CUL9: variants seen among roughly 807,000 people sequenced by gnomAD.
CUL9 encodes cullin 9.
A neutral mutation model predicts 272.6 loss-of-function variants in CUL9; 79 were observed. That is an observed-to-expected ratio of 0.29 (90% CI 0.24 to 0.35). CUL9 has a LOEUF of 0.35. Ranked by LOEUF, CUL9 falls within the 10% of genes least tolerant of loss-of-function variation. The pLI, the probability that CUL9 is intolerant of heterozygous loss-of-function variation, is 1.00. For synonymous variants in CUL9, 1,186 were observed against 1,286.5 expected, an observed-to-expected ratio of 0.92 and a Z score of 1.67; for missense variants, 2,532 against 3,255.6, an observed-to-expected ratio of 0.78 and a Z score of 5.41.
At chr6:43,208,236 C>G (rs765977475) in intron 26 of CUL9, among the ~76,000 whole-genome samples, 4 of 152,192 alleles carry the variant, frequency 2.6e-5, no homozygotes, top group Middle Eastern at 3.2e-3. Context: ...GAGTCTCACT[C>G]TGTCACCCAG....
Position 43,206,601 on chromosome 6 carries a change from T to G in CUL9, c.5212+91T>G, listed in dbSNP as rs1775064813. 2 of 1,202,886 alleles carry G rather than the reference T, an allele frequency of 1.7e-6. No homozygotes were observed. The highest frequency in any genetic ancestry group is 2.8e-5 in the South Asian group (2 of 70,646). 74.5% of individuals were successfully genotyped at this position (1,202,886 alleles called of 1,614,324 possible). Reference sequence around the variant, plus strand: ...AGAGGACCTTTGGACAGGATATAGATGTGAAGAAAAATATCAGCTCCTAGC... The same window carrying G: ...AGAGGACCTTTGGACAGGATATAGAGGTGAAGAAAAATATCAGCTCCTAGC... On this transcript the variant is annotated intron_variant, in intron 26 of 40. Transcript: ENST00000252050. This position sits in a 1 kb window ranked among gnomAD's most constrained non-coding sequence, Gnocchi z 4.8.
intron 7 of CUL9, 169 bp from the exon 8 acceptor site, chr6:43,188,354 C>G: frequency 1.2e-6 from 1 of 813,384 alleles, no homozygotes; most frequent in Non-Finnish European, 1.9e-6. Context: ...GTGTCTTCAT[C>G]TCCTTTGTTT....
At chr6:43,202,668 A>G (rs376127360) in intron 16 of CUL9, 48 bp from the exon 17 acceptor site, 1 of 1,538,298 alleles carries the variant, frequency 6.5e-7, no homozygotes, top group Non-Finnish European at 9.0e-7. Context: ...GATGTGAGCC[A>G]CCACGTCCAG....
rs1776131470 is a variant in CUL9 at position 43,218,949 on chromosome 6, G to A, written c.6283-1510G>A. ...GAAGCAGACCCAGGGAACCAAGCCT[G>A]TAAAGATACAGAGACGGGGGGTCTC... On this transcript the variant is annotated intron_variant, in intron 31 of 40. Transcript: ENST00000252050. This position sits in a 1 kb window ranked among gnomAD's most constrained non-coding sequence, Gnocchi z 4.4. Among the ~76,000 whole-genome samples the A allele has an allele frequency of 6.6e-6, 1 of 152,116 alleles. No individual in the cohort carries two copies. Among genetic ancestry groups the A allele is most frequent in the South Asian group, 2.1e-4 (1 of 4,830 alleles).
chr6:43,184,455 G>A lies in CUL9; in HGVS notation c.145G>A (p.Glu49Lys). 1 of 1,613,890 alleles carries A rather than the reference G, an allele frequency of 6.2e-7. No homozygotes were observed. Among genetic ancestry groups the A allele is most frequent in the Non-Finnish European group, 8.5e-7 (1 of 1,179,886 alleles). Residue 49 changes from glutamate to lysine, a missense_variant, in exon 2 of 41, where the codon GAA becomes AAA. Transcript: ENST00000252050. The surrounding 1 kb of genome is among the most constrained non-coding windows in gnomAD (Gnocchi z 4.8). ...CCGATGGAGTGTCCTGAAGTGTGGG[G>A]AAGTGGGCAAAGTGGGTGTGGAAGA... ...LIRWSVLKCGEVGKVGVEEGK... is the reference protein window; with the variant it reads ...LIRWSVLKCGKVGKVGVEEGK...
chr6:43,203,340 A>G lies in CUL9; in HGVS notation c.3850-77A>G. 6.2e-7 allele frequency: 1 copy of G among 1,602,020 alleles called. No homozygotes were observed. The highest frequency in any genetic ancestry group is 8.5e-7 in the Non-Finnish European group (1 of 1,171,560). On this transcript the variant is annotated intron_variant, in intron 18 of 40. Coordinates refer to ENST00000252050, the MANE Select transcript of CUL9 (RefSeq NM_015089.4). The surrounding 1 kb of genome is among the most constrained non-coding windows in gnomAD (Gnocchi z 5.0). Reference sequence around the variant, plus strand: ...TGTCCTGAGCAGTTCTAGGGAGCTCAGGGCAGGAGGCTTGGCTTTGGTAGT... The same window carrying G: ...TGTCCTGAGCAGTTCTAGGGAGCTCGGGGCAGGAGGCTTGGCTTTGGTAGT...
chr6:43,182,974 A>G (rs1772551988), intron 1 of CUL9, among the ~76,000 whole-genome samples: 1 of 152,204 alleles, frequency 6.6e-6, no homozygotes, highest in Admixed American at 6.5e-5. Flanking sequence ...TGTTTACTGA[A>G]CACTCTTTAT....
chr6:43,221,377 G>A lies in CUL9; in HGVS notation c.6752+56G>A, dbSNP rs547957459. 7.3e-6 allele frequency: 8 copies of A among 1,089,602 alleles called. No homozygotes were observed. The highest frequency in any genetic ancestry group is 1.3e-5 in the South Asian group (1 of 76,452). The allele number at this position is 1,089,602 out of a possible 1,614,324, so 67.5% of individuals were successfully genotyped here. A position where few individuals can be genotyped will look rare whatever the true frequency, so the allele number is the denominator to read the frequency against. ...GGGCAAGGAGGGGGGAGGAGGCCTG[G>A]CAGAAGGAGGGGGGAACGGGCTTAG... On this transcript the variant is annotated intron_variant, in intron 34 of 40. Transcript: ENST00000252050. The surrounding 1 kb of genome is among the most constrained non-coding windows in gnomAD (Gnocchi z 4.2).
intron 9 of CUL9, among the ~76,000 whole-genome samples, chr6:43,194,684 A>G (rs1773843053): frequency 6.6e-6 from 1 of 152,132 alleles, no homozygotes; most frequent in Non-Finnish European, 1.5e-5. Flanking sequence ...CATCATGCTC[A>G]AAGAATTCCC....
At chr6:43,207,995 A>G (rs2150597310) in intron 26 of CUL9, among the ~76,000 whole-genome samples, 1 of 152,352 alleles carries the variant, frequency 6.6e-6, no homozygotes, top group Admixed American at 6.5e-5. Context: ...ACCGCTAATC[A>G]TACTGGTTTA....
In CUL9 at chr6:43,184,727, G is replaced by A. The variant is rs995365309; in HGVS notation, c.417G>A (p.Thr139=). 6.2e-6 allele frequency: 10 copies of A among 1,614,030 alleles called. No homozygotes were observed. The highest frequency in any genetic ancestry group is 5.0e-5 in the Admixed American group (3 of 60,008). Residue 139 remains threonine, a synonymous_variant, in exon 2 of 41, where the codon ACG becomes ACA. Coordinates refer to ENST00000252050, the MANE Select transcript of CUL9 (RefSeq NM_015089.4). This position sits in a 1 kb window ranked among gnomAD's most constrained non-coding sequence, Gnocchi z 4.8. ...CAGAAAGTGGGACCCCAAGCCTCAC[G>A]GCCGCTGTGCTTCACACCATCCACG... is the stretch of plus-strand genomic sequence containing the variant. ...QLAESGTPSL[T]AAVLHTIHVL... is the part of the protein sequence containing the mutation.
intron 26 of CUL9, among the ~76,000 whole-genome samples, chr6:43,208,352 T>C (rs957241298): frequency 6.6e-6 from 1 of 152,170 alleles, no homozygotes; most frequent in African/African-American, 2.4e-5. Context: ...ATTACAGGTG[T>C]GCACCACTAT....
rs775928059 is a variant in CUL9 at position 43,203,845 on chromosome 6, T to C, written c.4026-9T>C. 1.2e-6 allele frequency: 2 copies of C among 1,603,742 alleles called. No individual in the cohort carries two copies. The highest frequency in any genetic ancestry group is 1.7e-6 in the Non-Finnish European group (2 of 1,173,654). On this transcript the variant is annotated splice_polypyrimidine_tract_variant and intron_variant, in intron 19 of 40. Transcript: ENST00000252050. This position sits in a 1 kb window ranked among gnomAD's most constrained non-coding sequence, Gnocchi z 5.0. ...CATTAATCCTCCGCCATGCACTGTT[T>C]GTTCCCAGACTGAACAGGGTTTTGC...
At chr6:43,219,374 A>G (rs1776162404) in intron 31 of CUL9, among the ~76,000 whole-genome samples, 1 of 152,216 alleles carries the variant, frequency 6.6e-6, no homozygotes, top group African/African-American at 2.4e-5. Flanking sequence ...GACAGTAGTC[A>G]TGAGAGCAGC....
intron 17 of CUL9, 134 bp downstream of exon 17, chr6:43,202,955 G>A: frequency 1.7e-6 from 2 of 1,201,904 alleles, no homozygotes; most frequent in Non-Finnish European, 2.4e-6. Context: ...TAAGCAGTGA[G>A]AGTGGGATTA....
At position 43,196,177 on chromosome 6, in the gene CUL9, G is replaced by A. The variant is rs773364205; in HGVS notation, c.2497G>A (p.Ala833Thr). 8.1e-6 allele frequency: 13 copies of A among 1,614,008 alleles called. No individual in the cohort carries two copies. Among genetic ancestry groups the A allele is most frequent in the African/African-American group, 5.3e-5 (4 of 74,894 alleles). ...TGCTCAGATGACCAGAGAGATCTTC[G>A]CCAGCATCGACTCAGCCACACGCCC... ...FDAQMTREIF[A>T]SIDSATRPGS... Residue 833 changes from alanine to threonine, a missense_variant, in exon 10 of 41, where the codon GCC (alanine) becomes ACC (threonine). This residue lies in a region of CUL9 where 2,218 missense variants were observed against 2,788.6 expected (regional missense o/e 0.80). Coordinates refer to ENST00000252050, the MANE Select transcript of CUL9 (RefSeq NM_015089.4).
At chr6:43,190,367 T>A (rs181581569) in intron 8 of CUL9, among the ~76,000 whole-genome samples, 7 of 152,322 alleles carry the variant, frequency 4.6e-5, no homozygotes, top group Non-Finnish European at 1.0e-4. Context: ...TTGCCTTTTT[T>A]AATGTATTTA....
rs778395114 is a variant in CUL9 at position 43,203,572 on chromosome 6, C to A, written c.4005C>A (p.Arg1335=). 6.2e-7 allele frequency: 1 copy of A among 1,613,468 alleles called. No individual in the cohort carries two copies. Among genetic ancestry groups the A allele is most frequent in the South Asian group, 1.1e-5 (1 of 91,044 alleles). The change falls in exon 19 of 41, where the codon CGC becomes CGA. Residue 1335 remains arginine, a synonymous_variant. Coordinates refer to ENST00000252050, the MANE Select transcript of CUL9 (RefSeq NM_015089.4). This position sits in a 1 kb window ranked among gnomAD's most constrained non-coding sequence, Gnocchi z 5.0. ...WSRDIAEDHR[R]LLQLCPRLNR... Reference sequence around the variant, plus strand: ...GGGACATAGCAGAGGACCACCGGCGCCTCCTCCAGCTCTGTCCCAGGTGGG... The same window carrying A: ...GGGACATAGCAGAGGACCACCGGCGACTCCTCCAGCTCTGTCCCAGGTGGG...
At chr6:43,188,770 T>C in intron 8 of CUL9, 55 bp downstream of exon 8, 2 of 1,420,658 alleles carry the variant, frequency 1.4e-6, no homozygotes, top group Admixed American at 2.2e-5. Context: ...CAAAGGATGG[T>C]GGTAGCGGGG....
Sources: allele counts gnomAD v4.1 joint callset (sites outside exome capture counted in the v4.1 genomes callset), GRCh38; gene constraint gnomAD v4.1.1; regional missense constraint gnomAD v4.1.1; non-coding constraint Gnocchi (gnomAD v3.1); transcripts MANE v1.5; gene names NCBI Gene and HGNC (gene_info 2026-07-23, HGNC 2026-07-21).